PTCHD4: variants seen among roughly 807,000 people sequenced by gnomAD.
PTCHD4 encodes the protein patched domain containing 4, also known as patched domain-containing protein 4.
Under a neutral mutation model 58.1 loss-of-function variants are expected in PTCHD4, and 33 were observed. The ratio of observed to expected loss-of-function variants is 0.57; its 90% CI spans 0.43 to 0.76. The LOEUF (loss-of-function observed/expected upper bound fraction) is 0.76, where lower values mean the gene tolerates loss of function less well. Among genes scored for constraint, PTCHD4 ranks in the 30% least tolerant of loss-of-function variants. The pLI, the probability that PTCHD4 is intolerant of heterozygous loss-of-function variation, is 0.00. For synonymous variants in PTCHD4, 478 were observed against 409.6 expected, an observed-to-expected ratio of 1.17 and a Z score of -2.02; for missense variants, 1,058 against 1,027.1, an observed-to-expected ratio of 1.03 and a Z score of -0.41.
chr6:47,975,093 TC>T (rs1242043473), intron 4 of PTCHD4, among the ~76,000 whole-genome samples: 1 of 152,166 alleles, frequency 6.6e-6, no homozygotes, highest in Non-Finnish European at 1.5e-5. Context: ...TCACTGGAAC[TC>T]CTTAAAAATT....
chr6:48,041,796 A>G (rs1160351019), intron 3 of PTCHD4, among the ~76,000 whole-genome samples: 1 of 152,034 alleles, frequency 6.6e-6, no homozygotes, highest in Admixed American at 6.6e-5. Flanking sequence ...CGTAATTGCT[A>G]GAATACATGT....
Position 48,069,140 on chromosome 6 carries a change from A to T in PTCHD4, c.-183T>A, listed in dbSNP as rs1212351812. 2.1e-4 allele frequency among the ~76,000 whole-genome samples: 10 copies of T among 47,322 alleles called. No homozygotes were observed. In the Admixed American group the frequency reaches 2.3e-3, roughly 11 times the overall value. 31.0% of individuals were successfully genotyped at this position (47,322 alleles called of 152,430 possible). ...TAAGAAGCAGACATGTGCCCCATAAAGGGGGGGGGGGCTGAGGGGGGGAGA... is the reference window on the plus strand; with the variant it reads ...TAAGAAGCAGACATGTGCCCCATAATGGGGGGGGGGGCTGAGGGGGGGAGA... On this transcript the variant is annotated 5_prime_UTR_variant, in exon 2 of 5. Coordinates refer to ENST00000339488, the MANE Select transcript of PTCHD4 (RefSeq NM_001384253.1).
chr6:48,044,644 A>G (rs1439497134), intron 3 of PTCHD4, among the ~76,000 whole-genome samples: 6 of 151,850 alleles, frequency 4.0e-5, no homozygotes. Flanking sequence ...AGCCATGCTC[A>G]TTTGCTTATG....
chr6:48,079,465 A>G (rs1456511451), intron 1 of PTCHD4, among the ~76,000 whole-genome samples: 2 of 152,066 alleles, frequency 1.3e-5, no homozygotes, highest in African/African-American at 2.4e-5. Flanking sequence ...ACATTATCAA[A>G]TATCAACATT....
At chr6:47,884,093 T>C (rs994711622) in intron 4 of PTCHD4, among the ~76,000 whole-genome samples, 3 of 129,864 alleles carry the variant, frequency 2.3e-5, no homozygotes, top group Non-Finnish European at 5.1e-5. Context: ...TATGTATGTA[T>C]GTGTGTGTGT....
At chr6:48,051,513 A>G (rs1354437366) in intron 3 of PTCHD4, among the ~76,000 whole-genome samples, 3 of 151,858 alleles carry the variant, frequency 2.0e-5, no homozygotes, top group Admixed American at 6.6e-5. Flanking sequence ...GGGGTCATGG[A>G]AAGTTCCACT....
Position 47,872,368 on chromosome 6 carries a change from G to T in PTCHD4, c.*5935C>A, listed in dbSNP as rs1581804605. Among the ~76,000 whole-genome samples, 7 of 151,658 alleles carry T rather than the reference G, an allele frequency of 4.6e-5. No homozygotes were observed. The Middle Eastern group carries it at 0.02, about 442-fold the overall frequency. ...TTTGACAGAGCCTTGTGGGCAATGT[G>T]CTTACTCTACAAACTGTGGCAACAG... is the stretch of plus-strand genomic sequence containing the variant. On this transcript the variant is annotated 3_prime_UTR_variant, in exon 5 of 5. Coordinates refer to ENST00000339488, the MANE Select transcript of PTCHD4 (RefSeq NM_001384253.1).
At chr6:47,893,589 A>G (rs1764444677) in intron 4 of PTCHD4, among the ~76,000 whole-genome samples, 1 of 152,220 alleles carries the variant, frequency 6.6e-6, no homozygotes, top group Non-Finnish European at 1.5e-5. Context: ...GAACTACTCC[A>G]TGGCTCGATT....
chr6:48,109,131 T>C (rs1449494958), intron 1 of PTCHD4, among the ~76,000 whole-genome samples: 1 of 152,142 alleles, frequency 6.6e-6, no homozygotes, highest in African/African-American at 2.4e-5. Flanking sequence ...AGTAGTACTG[T>C]TTTAAATGAC....
intron 1 of PTCHD4, among the ~76,000 whole-genome samples, chr6:48,080,558 G>C (rs183548816): frequency 4.1e-4 from 63 of 152,230 alleles, no homozygotes; most frequent in African/African-American, 1.4e-3. Context: ...TTCCTGGGGG[G>C]AATTCCTAAT....
At chr6:47,994,243 G>A (rs1768392290) in intron 4 of PTCHD4, among the ~76,000 whole-genome samples, 1 of 152,182 alleles carries the variant, frequency 6.6e-6, no homozygotes, top group African/African-American at 2.4e-5. Flanking sequence ...AAAATATGGT[G>A]GCAATGGAGA....
intron 1 of PTCHD4, among the ~76,000 whole-genome samples, chr6:48,099,158 T>A (rs1765541403): frequency 1.3e-5 from 2 of 152,208 alleles, no homozygotes; most frequent in African/African-American, 4.8e-5. Context: ...TGATCCAGAT[T>A]ACTAATGCAC....
chr6:48,084,935 T>C (rs1765234630), intron 1 of PTCHD4, among the ~76,000 whole-genome samples: 1 of 151,668 alleles, frequency 6.6e-6, no homozygotes, highest in East Asian at 2.0e-4. Flanking sequence ...GTAGAGACGG[T>C]GTTTCACCAT....
At chr6:47,922,044 G>A (rs1224936029) in intron 4 of PTCHD4, among the ~76,000 whole-genome samples, 2 of 151,792 alleles carry the variant, frequency 1.3e-5, no homozygotes, top group Non-Finnish European at 2.9e-5. Context: ...AGGCTGAGGT[G>A]GGAGGATTGC....
chr6:48,095,117 G>T (rs1765437220), intron 1 of PTCHD4, among the ~76,000 whole-genome samples: 3 of 152,128 alleles, frequency 2.0e-5, no homozygotes, highest in Admixed American at 2.0e-4. Flanking sequence ...TTTCATAGAG[G>T]TATATATGTG....
intron 4 of PTCHD4, among the ~76,000 whole-genome samples, chr6:47,882,741 G>GAGATAGATATATATATATATATAT (rs143060584): frequency 1.7e-4 from 17 of 102,442 alleles, no homozygotes; most frequent in Non-Finnish European, 2.5e-4. Flanking sequence ...TGATTCCAGT[G>GAGATAGATATATATATATATATAT]ATATATATAT....
At chr6:48,105,800 C>T (rs1765705844) in intron 1 of PTCHD4, among the ~76,000 whole-genome samples, 1 of 152,074 alleles carries the variant, frequency 6.6e-6, no homozygotes, top group South Asian at 2.1e-4. Context: ...TACAAACTAC[C>T]ATCAGAGAAT....
intron 3 of PTCHD4, among the ~76,000 whole-genome samples, chr6:48,010,521 C>G (rs1469982133): frequency 1.3e-5 from 2 of 151,382 alleles, no homozygotes; most frequent in African/African-American, 4.9e-5. Context: ...GTTGCAAACA[C>G]AAAAAGTTTA....
chr6:48,090,374 T>C (rs536703474), intron 1 of PTCHD4, among the ~76,000 whole-genome samples: 3 of 152,194 alleles, frequency 2.0e-5, no homozygotes, highest in Non-Finnish European at 4.4e-5. Flanking sequence ...CCCTCCATAG[T>C]AAATAGCTGC....
Sources: allele counts gnomAD v4.1 joint callset (sites outside exome capture counted in the v4.1 genomes callset), GRCh38; gene constraint gnomAD v4.1.1; transcripts MANE v1.5; gene names NCBI Gene and HGNC (gene_info 2026-07-23, HGNC 2026-07-21).